The following ARHGEF26 variants were observed in gnomAD, a reference collection of about 807,000 sequenced individuals.
The protein encoded by ARHGEF26 is Rho guanine nucleotide exchange factor 26.
ARHGEF26 carries 59 observed loss-of-function variants against 89.4 expected under a neutral mutation model. The observed-to-expected ratio is 0.66, with a 90% confidence interval of 0.54 to 0.82. ARHGEF26 has a LOEUF of 0.82. Among genes scored for constraint, ARHGEF26 ranks in the 40% least tolerant of loss-of-function variants. The pLI, the probability that ARHGEF26 is intolerant of heterozygous loss-of-function variation, is 0.00. For missense variants in ARHGEF26, 1,234 were observed against 1,085.6 expected, an observed-to-expected ratio of 1.14 and a Z score of -1.92; for synonymous variants, 500 against 428.4, an observed-to-expected ratio of 1.17 and a Z score of -2.06.
intron 6 of ARHGEF26, among the ~76,000 whole-genome samples, chr3:154,186,980 C>T (rs1322926046): frequency 5.4e-5 from 8 of 147,290 alleles, no homozygotes; most frequent in Non-Finnish European, 8.9e-5. Flanking sequence ...CAACCTCCGC[C>T]TCCTGGGTTC....
At position 154,256,657 on chromosome 3, in the gene ARHGEF26, T is replaced by C. The variant is rs1718531913; in HGVS notation, c.*1184T>C. ...CCTAGTTTTCAGCTGTTCCAACTCG[T>C]TTCCAAATAGAAATTAGCTGGAACA... On this transcript the variant is annotated 3_prime_UTR_variant, in exon 15 of 15. Coordinates refer to ENST00000465093, the MANE Select transcript of ARHGEF26 (RefSeq NM_015595.4). 3 of 1,195,414 alleles carry C rather than the reference T, an allele frequency of 2.5e-6. No individual in the cohort carries two copies. The highest frequency in any genetic ancestry group is 3.1e-6 in the Non-Finnish European group (3 of 966,806). The allele number at this position is 1,195,414 out of a possible 1,614,324, so 74.1% of individuals were successfully genotyped here. A position where few individuals can be genotyped will look rare whatever the true frequency, so the allele number is the denominator to read the frequency against.
At chr3:154,147,031 T>A (rs1719743664) in intron 4 of ARHGEF26, among the ~76,000 whole-genome samples, 1 of 152,240 alleles carries the variant, frequency 6.6e-6, no homozygotes, top group African/African-American at 2.4e-5. Flanking sequence ...GCTTTGGCTG[T>A]CTGTGTGTTT....
chr3:154,184,781 G>T (rs1363796707), intron 6 of ARHGEF26, among the ~76,000 whole-genome samples: 4 of 152,160 alleles, frequency 2.6e-5, no homozygotes. Flanking sequence ...TTCTCGGATT[G>T]AGTGATTTAT....
Position 154,255,510 on chromosome 3 carries a change from C to T in ARHGEF26, c.*37C>T, listed in dbSNP as rs770008176. On this transcript the variant is annotated 3_prime_UTR_variant, in exon 15 of 15. Coordinates refer to ENST00000465093, the MANE Select transcript of ARHGEF26 (RefSeq NM_015595.4). Reference sequence around the variant, plus strand: ...GTCTTTTGTTACTGCAAGATTTGCACGACACTTACCGGGCTGGTTGGTTCT... The same window carrying T: ...GTCTTTTGTTACTGCAAGATTTGCATGACACTTACCGGGCTGGTTGGTTCT... 27 of 1,595,354 alleles carry T rather than the reference C, an allele frequency of 1.7e-5. No individual in the cohort carries two copies. The highest frequency in any genetic ancestry group is 1.4e-4 in the Admixed American group (8 of 57,386).
chr3:154,226,692 CACA>C (rs377149586), intron 11 of ARHGEF26, among the ~76,000 whole-genome samples: 5,948 of 151,734 alleles, frequency 0.039, 131 homozygotes, highest in South Asian at 0.069. Context: ...CACACACACA[CACA>C]CCCCTTCAGC....
At chr3:154,175,186 C>A (rs74506076) in intron 6 of ARHGEF26, among the ~76,000 whole-genome samples, 1,743 of 152,068 alleles carry the variant, frequency 0.011, 28 homozygotes, top group African/African-American at 0.04. Context: ...TTCTATAAAC[C>A]GTAATGGTTA....
At chr3:154,138,410 G>T (rs73160531) in intron 4 of ARHGEF26, among the ~76,000 whole-genome samples, 2 of 152,122 alleles carry the variant, frequency 1.3e-5, no homozygotes, top group Non-Finnish European at 2.9e-5. Flanking sequence ...TTGTTGCAGC[G>T]TTGGAACTTT....
Position 154,257,065 on chromosome 3 carries a change from G to C in ARHGEF26, c.*1592G>C. ...ATGTGACATGTCCCAACTACTGTCC[G>C]CTAACTAGTTATCCAAATTGTAAAG... On this transcript the variant is annotated 3_prime_UTR_variant, in exon 15 of 15. Transcript: ENST00000465093. 1 of 1,345,854 alleles carries C rather than the reference G, an allele frequency of 7.4e-7. No homozygotes were observed. The highest frequency in any genetic ancestry group is 9.6e-7 in the Non-Finnish European group (1 of 1,036,768). The allele number at this position is 1,345,854 out of a possible 1,614,324, so 83.4% of individuals were successfully genotyped here.
At chr3:154,237,278 G>A (rs1717174121) in intron 11 of ARHGEF26, among the ~76,000 whole-genome samples, 3 of 152,154 alleles carry the variant, frequency 2.0e-5, no homozygotes, top group African/African-American at 4.8e-5. Flanking sequence ...CTGGCTGGGT[G>A]TGGTGGATCA....
intron 12 of ARHGEF26, among the ~76,000 whole-genome samples, chr3:154,246,642 CAG>C (rs1197821947): frequency 6.6e-6 from 1 of 152,166 alleles, no homozygotes; most frequent in Non-Finnish European, 1.5e-5. Context: ...CCAGGAACAA[CAG>C]GGGCCCTGGG....
At chr3:154,123,922 ATTC>A (rs1451266714) in intron 2 of ARHGEF26, among the ~76,000 whole-genome samples, 2 of 151,074 alleles carry the variant, frequency 1.3e-5, no homozygotes, top group African/African-American at 4.9e-5. Flanking sequence ...AATAAGGCAG[ATTC>A]TTTTTGGCAG....
At chr3:154,195,384 G>A (rs1341699951) in intron 9 of ARHGEF26, among the ~76,000 whole-genome samples, 2 of 152,194 alleles carry the variant, frequency 1.3e-5, no homozygotes, top group African/African-American at 2.4e-5. Context: ...GGGCCTGATC[G>A]TAAGATGATG....
chr3:154,202,759 A>T, intron 9 of ARHGEF26, among the ~76,000 whole-genome samples: 1 of 132,338 alleles, frequency 7.6e-6, no homozygotes, highest in Non-Finnish European at 1.6e-5. Context: ...ATTCTCTTTG[A>T]AGCAATTGTG....
intron 4 of ARHGEF26, 93 bp from the exon 5 acceptor site, chr3:154,149,296 T>C (rs1719876315): frequency 2.3e-6 from 2 of 852,378 alleles, no homozygotes; most frequent in African/African-American, 3.4e-5. Flanking sequence ...CCTAATTCAT[T>C]TTTGAAGGGC....
chr3:154,123,090 G>A lies in ARHGEF26; in HGVS notation c.1083+15G>A. On this transcript the variant is annotated intron_variant, in intron 2 of 14. Transcript: ENST00000465093. ...GAAGGATAAAGGTAAAAGTGGGCAG[G>A]AGTGTGGCACGCCATTCACTAAGCG... 6.2e-7 allele frequency: 1 copy of A among 1,612,500 alleles called. No homozygotes were observed. The highest frequency in any genetic ancestry group is 8.5e-7 in the Non-Finnish European group (1 of 1,178,812).
rs1343136559 is a variant in ARHGEF26 at position 154,171,911 on chromosome 3, G to A, written c.1488-15774G>A. On this transcript the variant is annotated intron_variant, in intron 6 of 14. Coordinates refer to ENST00000465093, the MANE Select transcript of ARHGEF26 (RefSeq NM_015595.4). ...CAAGAATGCTGAGAAGGAGATGCCA[G>A]TGGGAGTAGAAGGAAACCCCGGATT... Among the ~76,000 whole-genome samples, 3 of 152,190 alleles carry A rather than the reference G, an allele frequency of 2.0e-5. No individual in the cohort carries two copies. The East Asian group carries it at 5.8e-4, about 29-fold the overall frequency.
intron 9 of ARHGEF26, among the ~76,000 whole-genome samples, chr3:154,196,229 T>A (rs948953423): frequency 1.3e-5 from 2 of 152,090 alleles, no homozygotes; most frequent in Admixed American, 6.6e-5. Flanking sequence ...GAGCTGTAGC[T>A]GAAAGGGAAG....
At chr3:154,191,981 T>C (rs1032545085) in intron 8 of ARHGEF26, among the ~76,000 whole-genome samples, 5 of 152,316 alleles carry the variant, frequency 3.3e-5, no homozygotes, top group African/African-American at 1.2e-4. Flanking sequence ...TTTTTGACTT[T>C]GAATCACGGC....
intron 12 of ARHGEF26, among the ~76,000 whole-genome samples, chr3:154,246,119 G>T (rs1255946329): frequency 6.6e-6 from 1 of 152,172 alleles, no homozygotes; most frequent in Non-Finnish European, 1.5e-5. Context: ...GTGCTAATTG[G>T]GGGGTGGTGA....
Sources: allele counts gnomAD v4.1 joint callset (sites outside exome capture counted in the v4.1 genomes callset), GRCh38; gene constraint gnomAD v4.1.1; transcripts MANE v1.5; gene names NCBI Gene and HGNC (gene_info 2026-07-23, HGNC 2026-07-21).